The following ZNF385D variants were observed in gnomAD, a reference collection of about 807,000 sequenced individuals.
ZNF385D encodes the protein zinc finger protein 385D.
Under a neutral mutation model 35.8 loss-of-function variants are expected in ZNF385D, and 15 were observed. The observed-to-expected ratio is 0.42, with a 90% CI of 0.28 to 0.64. The LOEUF is 0.64. ZNF385D is among the 30% of genes least tolerant of loss of function. ZNF385D has a pLI of 0.23. For missense variants in ZNF385D, 474 were observed against 494.6 expected (o/e 0.96, Z 0.39); for synonymous variants, 212 against 186.8 (o/e 1.13, Z -1.10).
chr3:22,325,632 A>C (rs1694640380), intron 2 of ZNF385D, among the ~76,000 whole-genome samples: 1 of 152,036 alleles, frequency 6.6e-6, no homozygotes, highest in Non-Finnish European at 1.5e-5. Context: ...GGTGATACAA[A>C]TCTGTAATCC....
chr3:22,191,970 T>C (rs1559441788), intron 2 of ZNF385D, among the ~76,000 whole-genome samples: 1 of 152,186 alleles, frequency 6.6e-6, no homozygotes, highest in Admixed American at 6.6e-5. Flanking sequence ...CTTAACTCTG[T>C]CTTGTTTAGG....
chr3:21,999,258 A>G (rs978332204), intron 3 of ZNF385D, among the ~76,000 whole-genome samples: 4 of 152,218 alleles, frequency 2.6e-5, no homozygotes, highest in African/African-American at 9.6e-5. Flanking sequence ...TGACAAACAT[A>G]TTCTATAAAG....
intron 3 of ZNF385D, among the ~76,000 whole-genome samples, chr3:21,991,414 T>C (rs1378209670): frequency 6.6e-6 from 1 of 152,186 alleles, no homozygotes; most frequent in Non-Finnish European, 1.5e-5. Flanking sequence ...AAACTGGAAA[T>C]AAATCACATT....
At chr3:21,867,713 C>G (rs776515952) in intron 3 of ZNF385D, among the ~76,000 whole-genome samples, 5 of 149,034 alleles carry the variant, frequency 3.4e-5, no homozygotes, top group Non-Finnish European at 5.9e-5. Flanking sequence ...GTCTCAATGC[C>G]AAGAGGCAAT....
intron 1 of ZNF385D, among the ~76,000 whole-genome samples, chr3:21,717,523 G>T (rs2068371061): frequency 6.6e-6 from 1 of 152,108 alleles, no homozygotes; most frequent in African/African-American, 2.4e-5. Context: ...CACTCCTCTG[G>T]TTAAAATCCT....
intron 3 of ZNF385D, among the ~76,000 whole-genome samples, chr3:22,119,573 G>C (rs1046748557): frequency 9.9e-5 from 15 of 152,038 alleles, no homozygotes; most frequent in African/African-American, 3.6e-4. Flanking sequence ...GAGTTGCTCT[G>C]TTTTGAGTCA....
At chr3:22,366,485 T>G (rs1281709901) in intron 2 of ZNF385D, among the ~76,000 whole-genome samples, 4 of 152,180 alleles carry the variant, frequency 2.6e-5, no homozygotes, top group Non-Finnish European at 5.9e-5. Flanking sequence ...ATTCACAATC[T>G]GATCAAAATT....
At chr3:22,282,545 G>T (rs1701813156) in intron 2 of ZNF385D, among the ~76,000 whole-genome samples, 1 of 151,912 alleles carries the variant, frequency 6.6e-6, no homozygotes, top group Non-Finnish European at 1.5e-5. Flanking sequence ...TAGTTTTGAG[G>T]ATTCCTTTTG....
At chr3:21,877,387 C>T (rs1575821971) in intron 3 of ZNF385D, among the ~76,000 whole-genome samples, 1 of 152,018 alleles carries the variant, frequency 6.6e-6, no homozygotes, top group Non-Finnish European at 1.5e-5. Context: ...ATATATGACC[C>T]ATTCTCTGAG....
rs576284402 is a variant in ZNF385D, at chr3:21,935,182, C to A, written c.325+233635G>T. Among the ~76,000 whole-genome samples the A allele has an allele frequency of 2.0e-5, 3 of 152,164 alleles. No homozygotes were observed. The South Asian group carries it at 6.2e-4, about 32-fold the overall frequency. On this transcript the variant is annotated intron_variant, in intron 3 of 5. Coordinates refer to the ZNF385D transcript ENST00000494108. ...GAGGCTGTGGAGGAGTATTTGTTCT[C>A]TGATTATCAAAAGTATATGCCATTG...
At chr3:21,458,063 A>G (rs905770503) in intron 4 of ZNF385D, among the ~76,000 whole-genome samples, 2 of 151,988 alleles carry the variant, frequency 1.3e-5, no homozygotes, top group African/African-American at 4.8e-5. Context: ...CAGCAGCTGA[A>G]AAAAATATTG....
At chr3:21,423,876 T>A in intron 7 of ZNF385D, 87 bp downstream of exon 7, 1 of 1,297,326 alleles carries the variant, frequency 7.7e-7, no homozygotes, top group Non-Finnish European at 1.1e-6. Flanking sequence ...TGGGCTGTGG[T>A]TAAAGGTGGC....
At chr3:21,600,691 A>G (rs1341053734) in intron 2 of ZNF385D, among the ~76,000 whole-genome samples, 1 of 151,700 alleles carries the variant, frequency 6.6e-6, no homozygotes, top group Admixed American at 6.6e-5. Flanking sequence ...AAACACACAG[A>G]GAGAGAGGAA....
chr3:22,036,487 T>C (rs1044631578), intron 3 of ZNF385D, among the ~76,000 whole-genome samples: 1 of 151,818 alleles, frequency 6.6e-6, no homozygotes, highest in Non-Finnish European at 1.5e-5. Context: ...GGAAAGGAAA[T>C]AGTGGAAAAT....
At chr3:22,268,033 T>C (rs1700983214) in intron 2 of ZNF385D, among the ~76,000 whole-genome samples, 1 of 152,016 alleles carries the variant, frequency 6.6e-6, no homozygotes, top group African/African-American at 2.4e-5. Flanking sequence ...GCAAAGTAAG[T>C]ATGCACTACA....
chr3:21,980,646 C>T (rs1439869842), intron 3 of ZNF385D, among the ~76,000 whole-genome samples: 1 of 152,070 alleles, frequency 6.6e-6, no homozygotes, highest in Non-Finnish European at 1.5e-5. Flanking sequence ...GTTTGTTGTA[C>T]ACACTATTTC....
At chr3:21,778,238 G>A (rs1042184960) in intron 3 of ZNF385D, among the ~76,000 whole-genome samples, 4 of 151,834 alleles carry the variant, frequency 2.6e-5, no homozygotes, top group Admixed American at 1.3e-4. Flanking sequence ...CTTCTGAGAC[G>A]TGCCTCTCAC....
At chr3:21,927,877 C>T (rs556971861) in intron 3 of ZNF385D, among the ~76,000 whole-genome samples, 12 of 152,184 alleles carry the variant, frequency 7.9e-5, no homozygotes, top group African/African-American at 2.9e-4. Flanking sequence ...CATCAATATA[C>T]CACTCTCGAT....
chr3:21,621,911 G>A (rs2065020625), intron 2 of ZNF385D, among the ~76,000 whole-genome samples: 1 of 151,968 alleles, frequency 6.6e-6, no homozygotes, highest in African/African-American at 2.4e-5. Flanking sequence ...ACGCACGTGT[G>A]TGCTTTCTTT....
Sources: allele counts gnomAD v4.1 joint callset (sites outside exome capture counted in the v4.1 genomes callset), GRCh38; gene constraint gnomAD v4.1.1; transcripts MANE v1.5; gene names NCBI Gene and HGNC (gene_info 2026-07-23, HGNC 2026-07-21).